Variants in MEI4 observed in about 807,000 individuals in gnomAD.
MEI4 encodes meiotic double-stranded break formation protein 4.
In MEI4, 27 loss-of-function variants were observed where a neutral mutation model predicts 31.4. The ratio of observed to expected loss-of-function variants is 0.86; its 90% CI spans 0.63 to 1.19. The LOEUF (loss-of-function observed/expected upper bound fraction) is 1.19. Among genes scored for constraint, MEI4 ranks in the 50% most tolerant of loss-of-function variants. MEI4 has a pLI of 0.00. For missense variants in MEI4, 329 were observed against 398.9 expected, an observed-to-expected ratio of 0.82 and a Z score of 1.49; for synonymous variants, 122 against 145.4, an observed-to-expected ratio of 0.84 and a Z score of 1.16.
At chr6:77,710,437 G>A (rs1386684074) in intron 2 of MEI4, among the ~76,000 whole-genome samples, 4 of 143,796 alleles carry the variant, frequency 2.8e-5, no homozygotes, top group Admixed American at 7.3e-5. Context: ...CAGGAGAATC[G>A]CTTGAACCTG....
At chr6:77,871,596 A>G (rs1315398722) in intron 4 of MEI4, among the ~76,000 whole-genome samples, 2 of 152,164 alleles carry the variant, frequency 1.3e-5, no homozygotes, top group Non-Finnish European at 2.9e-5. Context: ...ATTGGGTACT[A>G]TGCTCAGTAC....
chr6:77,840,017 CT>C lies in MEI4; in HGVS notation c.900+10957del, dbSNP rs1280252788. ...TAACGCAAGTATTATAACTATGCTC[CT>C]TGAGGTAAACATCAGTAATCCTGAA... On this transcript the variant is annotated intron_variant, in intron 4 of 4. Transcript: ENST00000684080. Among the ~76,000 whole-genome samples, 6 of 152,228 alleles carry C rather than the reference CT, an allele frequency of 3.9e-5. No homozygotes were observed. In the East Asian group the frequency reaches 1.2e-3, roughly 29 times the overall value.
intron 4 of MEI4, among the ~76,000 whole-genome samples, chr6:77,883,745 A>ATATATATATATATATATAG (rs55947073): frequency 1.2e-5 from 1 of 82,302 alleles, no homozygotes; most frequent in Non-Finnish European, 2.4e-5. Flanking sequence ...TATATATATA[A>ATATATATATATATATATAG]CTTTGTCTTT....
At chr6:77,834,216 A>G (rs774246475) in intron 4 of MEI4, among the ~76,000 whole-genome samples, 24 of 152,112 alleles carry the variant, frequency 1.6e-4, no homozygotes, top group Non-Finnish European at 2.5e-4. Context: ...ATTTCTTTCT[A>G]TGGAACCTTT....
chr6:77,898,833 T>C (rs1411507536), intron 4 of MEI4, among the ~76,000 whole-genome samples: 1 of 152,080 alleles, frequency 6.6e-6, no homozygotes, highest in Admixed American at 6.6e-5. Flanking sequence ...CTGTCTTTTC[T>C]GTATCAGAGA....
At chr6:77,835,220 C>T (rs373563538) in intron 4 of MEI4, among the ~76,000 whole-genome samples, 5 of 150,280 alleles carry the variant, frequency 3.3e-5, no homozygotes, top group African/African-American at 4.9e-5. Context: ...AAAGGCCGGG[C>T]GCGGTGGTGC....
intron 4 of MEI4, among the ~76,000 whole-genome samples, chr6:77,865,667 C>T (rs1477394276): frequency 2.0e-5 from 3 of 152,158 alleles, no homozygotes; most frequent in Non-Finnish European, 4.4e-5. Context: ...GGAGCTGGTA[C>T]CATTCCTTCT....
chr6:77,802,805 T>A (rs1357182945), intron 3 of MEI4, among the ~76,000 whole-genome samples: 3 of 152,268 alleles, frequency 2.0e-5, no homozygotes, highest in Non-Finnish European at 2.9e-5. Context: ...TGGCTCACAC[T>A]GTTTTCTGGC....
chr6:77,755,891 G>A (rs1767905596), intron 2 of MEI4, among the ~76,000 whole-genome samples: 1 of 150,606 alleles, frequency 6.6e-6, no homozygotes, highest in Admixed American at 6.6e-5. Context: ...CAAACAGATA[G>A]GTGCAATAAA....
At chr6:77,798,284 G>A (rs143034696) in intron 3 of MEI4, among the ~76,000 whole-genome samples, 1 of 150,996 alleles carries the variant, frequency 6.6e-6, no homozygotes, top group African/African-American at 2.4e-5. Flanking sequence ...CAAAACGGCA[G>A]GTCTAAATCC....
chr6:77,714,684 G>T (rs1561955734), intron 2 of MEI4, among the ~76,000 whole-genome samples: 1 of 152,070 alleles, frequency 6.6e-6, no homozygotes, highest in Non-Finnish European at 1.5e-5. Flanking sequence ...TTTCTTTTCA[G>T]CCCCATATCC....
At chr6:77,890,771 A>C (rs557648204) in intron 4 of MEI4, among the ~76,000 whole-genome samples, 1 of 152,286 alleles carries the variant, frequency 6.6e-6, no homozygotes, top group East Asian at 1.9e-4. Context: ...TAATTGAATC[A>C]TGGTGGCAGT....
chr6:77,743,053 G>C (rs908221766), intron 2 of MEI4, among the ~76,000 whole-genome samples: 3 of 152,182 alleles, frequency 2.0e-5, no homozygotes, highest in South Asian at 2.1e-4. Flanking sequence ...GTCAGGTAGC[G>C]TGATGCCTCC....
intron 2 of MEI4, among the ~76,000 whole-genome samples, chr6:77,726,675 G>A (rs1766830556): frequency 6.6e-6 from 1 of 152,168 alleles, no homozygotes; most frequent in African/African-American, 2.4e-5. Flanking sequence ...TACACCAGTT[G>A]TGTGTGGGAT....
intron 4 of MEI4, among the ~76,000 whole-genome samples, chr6:77,892,370 G>A: frequency 6.6e-6 from 1 of 152,150 alleles, no homozygotes; most frequent in African/African-American, 2.4e-5. Flanking sequence ...GCAAGAGGCT[G>A]TAGGCAGGGT....
intron 3 of MEI4, among the ~76,000 whole-genome samples, chr6:77,809,117 T>C (rs1228813049): frequency 6.6e-6 from 1 of 152,224 alleles, no homozygotes; most frequent in Non-Finnish European, 1.5e-5. Flanking sequence ...GGAGTATATT[T>C]AAGTGACATT....
chr6:77,664,044 G>A (rs1236299330), intron 1 of MEI4, among the ~76,000 whole-genome samples: 3 of 152,220 alleles, frequency 2.0e-5, no homozygotes, highest in Non-Finnish European at 4.4e-5. Context: ...AGGAGGTTCT[G>A]GAGGAACGCC....
At chr6:77,710,543 GA>G (rs1561954012) in intron 2 of MEI4, among the ~76,000 whole-genome samples, 2 of 112,740 alleles carry the variant, frequency 1.8e-5, no homozygotes, top group East Asian at 5.6e-4. Context: ...AAAAAAAAAA[GA>G]AAAGGTAAAA....
chr6:77,818,895 A>AT (rs148768677), intron 3 of MEI4, among the ~76,000 whole-genome samples: 2,864 of 147,960 alleles, frequency 0.019, 61 homozygotes, highest in East Asian at 0.089. Context: ...ACACCCAACT[A>AT]TTTTTTTTTT....
Sources: gnomAD v4.1 joint callset for allele counts (sites outside exome capture counted in the v4.1 genomes callset) on GRCh38, gnomAD v4.1.1 for gene constraint, MANE v1.5 for transcripts, NCBI Gene and HGNC (gene_info 2026-07-23, HGNC 2026-07-21) for gene names.